The following KIF4A variants were observed in gnomAD, a reference collection of about 807,000 sequenced individuals.
KIF4A encodes the protein chromosome-associated kinesin KIF4A.
In KIF4A, 7 loss-of-function variants were observed where a neutral mutation model predicts 105.9. That is an observed-to-expected ratio of 0.07 (90% CI 0.04 to 0.12). KIF4A has a LOEUF of 0.12. KIF4A is among the 10% of genes least tolerant of loss of function. KIF4A has a pLI of 1.00. For missense variants in KIF4A, 558 were observed against 929.2 expected, an observed-to-expected ratio of 0.60 and a Z score of 5.19; for synonymous variants, 281 against 331.3, an observed-to-expected ratio of 0.85 and a Z score of 1.65.
At chrX:70,363,227 G>T (rs2086084288) in intron 15 of KIF4A, among the ~76,000 whole-genome samples, 1 of 92,361 alleles carries the variant, frequency 1.1e-5, no homozygotes, top group African/African-American at 3.5e-5. Flanking sequence ...TGTATATAAT[G>T]AATAGAAACT....
intron 20 of KIF4A, among the ~76,000 whole-genome samples, chrX:70,394,739 C>T (rs2086252818): frequency 9.0e-6 from 1 of 111,213 alleles, no homozygotes; most frequent in Non-Finnish European, 1.9e-5. Context: ...TATTTTGGTG[C>T]TTTGTTATTA....
chrX:70,383,704 T>C lies in KIF4A; in HGVS notation c.2035-2914T>C, dbSNP rs7050426. On this transcript the variant is annotated intron_variant, in intron 18 of 30. Transcript: ENST00000374403. ...CATACAGTGGAGTATTATTCAGCCA[T>C]ACAAAGGAATGAAGTACTGATACAT... 5.8e-3 allele frequency among the ~76,000 whole-genome samples: 655 copies of C among 112,340 alleles called. 7 individuals carry two copies. The highest frequency in any genetic ancestry group is 0.02 in the African/African-American group (614 of 30,946).
chrX:70,355,528 G>T lies in KIF4A; in HGVS notation c.1674+1721G>T, dbSNP rs764548866. 3.6e-5 allele frequency among the ~76,000 whole-genome samples: 4 copies of T among 111,912 alleles called. No individual in the cohort carries two copies. The East Asian group carries it at 1.1e-3, about 31-fold the overall frequency. ...ATTTGCACTTCTATCAAGTTCCCAG[G>T]TGATATTCCTGCTGCTGGAATGCAA... On this transcript the variant is annotated intron_variant, in intron 15 of 30. Transcript: ENST00000374403.
At chrX:70,412,432 G>A (rs1421287750) in intron 28 of KIF4A, among the ~76,000 whole-genome samples, 2 of 111,522 alleles carry the variant, frequency 1.8e-5, no homozygotes, top group African/African-American at 6.5e-5. Flanking sequence ...CATGGATGAG[G>A]TAACAGCATT....
intron 18 of KIF4A, among the ~76,000 whole-genome samples, chrX:70,385,472 A>G (rs995134375): frequency 1.8e-5 from 2 of 112,290 alleles, no homozygotes; most frequent in African/African-American, 6.5e-5. Flanking sequence ...CACACATCAT[A>G]TTTTATTATA....
chrX:70,312,549 T>C (rs1377722997), intron 7 of KIF4A, among the ~76,000 whole-genome samples: 2 of 112,256 alleles, frequency 1.8e-5, no homozygotes, highest in East Asian at 5.6e-4. Flanking sequence ...TTGTAGAATT[T>C]CCCATAGTGT....
chrX:70,352,927 G>T (rs980517434), intron 14 of KIF4A, among the ~76,000 whole-genome samples: 6 of 111,804 alleles, frequency 5.4e-5, no homozygotes, highest in Non-Finnish European at 7.5e-5. Flanking sequence ...TCTTGTTAGA[G>T]GCTAGTATTC....
intron 15 of KIF4A, among the ~76,000 whole-genome samples, chrX:70,358,231 C>G (rs1386860722): frequency 1.8e-5 from 2 of 110,890 alleles, no homozygotes; most frequent in Non-Finnish European, 3.8e-5. Flanking sequence ...GTTTATTGTG[C>G]TTGGTGCTCG....
chrX:70,365,711 T>G (rs1679274530), intron 15 of KIF4A, among the ~76,000 whole-genome samples: 2 of 111,504 alleles, frequency 1.8e-5, no homozygotes, highest in South Asian at 7.6e-4. Context: ...TCTCTTTTTT[T>G]GTTGTGTCTC....
intron 15 of KIF4A, chrX:70,362,337 T>A (rs2086079617): frequency 1.0e-5 from 3 of 300,134 alleles, no homozygotes; most frequent in South Asian, 8.0e-5. Flanking sequence ...GTAGAGAGGG[T>A]AATTCTCCTT....
intron 7 of KIF4A, among the ~76,000 whole-genome samples, chrX:70,319,440 A>G (rs1020741301): frequency 9.0e-6 from 1 of 111,090 alleles, no homozygotes; most frequent in Non-Finnish European, 1.9e-5. Flanking sequence ...TTTCCATATA[A>G]ATACCCATTT....
intron 20 of KIF4A, among the ~76,000 whole-genome samples, chrX:70,389,396 G>A (rs942033758): frequency 8.9e-6 from 1 of 111,994 alleles, no homozygotes; most frequent in Admixed American, 9.5e-5. Flanking sequence ...GCAAAACCCC[G>A]TCTCTACTAA....
At chrX:70,374,348 CT>C in intron 16 of KIF4A, 94 bp downstream of exon 16, 1 of 508,721 alleles carries the variant, frequency 2.0e-6, no homozygotes, top group Non-Finnish European at 3.2e-6. Flanking sequence ...TTTACTGCCC[CT>C]AAAGATTTAA....
chrX:70,398,119 C>T (rs1343607704), intron 22 of KIF4A, among the ~76,000 whole-genome samples: 2 of 112,029 alleles, frequency 1.8e-5, no homozygotes, highest in African/African-American at 3.2e-5. Context: ...CTCACTGCAG[C>T]CTCTGCCTCC....
At chrX:70,409,971 CA>C (rs1602814569) in intron 28 of KIF4A, among the ~76,000 whole-genome samples, 1 of 111,139 alleles carries the variant, frequency 9.0e-6, no homozygotes, top group African/African-American at 3.3e-5. Flanking sequence ...GCAAATATTG[CA>C]GTAAATAATA....
At chrX:70,402,103 C>T (rs978939074) in intron 22 of KIF4A, among the ~76,000 whole-genome samples, 1 of 111,670 alleles carries the variant, frequency 9.0e-6, no homozygotes, top group South Asian at 3.8e-4. Context: ...CTCACAATGC[C>T]AGCCATGGGT....
At chrX:70,329,048 T>TA (rs374496369) in intron 7 of KIF4A, among the ~76,000 whole-genome samples, 142 of 110,021 alleles carry the variant, frequency 1.3e-3, no homozygotes, top group Non-Finnish European at 1.6e-3. Flanking sequence ...GATGATATGG[T>TA]AAAAAAAAAC....
At chrX:70,292,979 C>CT (rs1247176574) in intron 3 of KIF4A, among the ~76,000 whole-genome samples, 1 of 112,257 alleles carries the variant, frequency 8.9e-6, no homozygotes, top group Non-Finnish European at 1.9e-5. Context: ...GTACTCTGAA[C>CT]TCCTGGTACC....
chrX:70,353,914 G>T, intron 15 of KIF4A, 107 bp downstream of exon 15: 1 of 624,863 alleles, frequency 1.6e-6, no homozygotes, highest in Non-Finnish European at 2.4e-6. Context: ...ACAACAAAAT[G>T]TATATAGTAT....
Sources: allele counts gnomAD v4.1 joint callset (sites outside exome capture counted in the v4.1 genomes callset), GRCh38; gene constraint gnomAD v4.1.1; transcripts MANE v1.5; gene names NCBI Gene and HGNC (gene_info 2026-07-23, HGNC 2026-07-21).